Variants in CERS3 observed in about 807,000 individuals in gnomAD.
CERS3 encodes the protein ceramide synthase 3.
A neutral mutation model predicts 50.3 loss-of-function variants in CERS3; 33 were observed. That is an observed-to-expected ratio of 0.66 (90% confidence interval 0.50 to 0.88). CERS3 has a LOEUF of 0.88. Among genes scored for constraint, CERS3 ranks in the 40% least tolerant of loss-of-function variants. The probability of loss-of-function intolerance (pLI) is 0.00; values close to 1 mark genes in which losing one functional copy is unlikely to be tolerated. For synonymous variants in CERS3, 176 were observed against 155.2 expected, an observed-to-expected ratio of 1.13 and a Z score of -0.99; for missense variants, 470 against 460.3, an observed-to-expected ratio of 1.02 and a Z score of -0.19.
intron 10 of CERS3, among the ~76,000 whole-genome samples, chr15:100,458,287 T>C (rs1284661275): frequency 6.6e-6 from 1 of 152,190 alleles, no homozygotes; most frequent in African/African-American, 2.4e-5. Flanking sequence ...TTCAAGTTCT[T>C]TGTTTGAAAA....
At chr15:100,505,163 G>A (rs1316264323) in intron 2 of CERS3, among the ~76,000 whole-genome samples, 1 of 152,154 alleles carries the variant, frequency 6.6e-6, no homozygotes, top group Non-Finnish European at 1.5e-5. Context: ...TAAGGACTCA[G>A]GGAACACATA....
rs147643594 is a variant in CERS3, at chr15:100,441,160, C to T, written c.999+14733G>A. Reference sequence around the variant, plus strand: ...ACACCCTGACCTCTTATCTCTGTGCCTCAATCTCTTATTTCTGCACCCCGA... The same window carrying T: ...ACACCCTGACCTCTTATCTCTGTGCTTCAATCTCTTATTTCTGCACCCCGA... On this transcript the variant is annotated intron_variant, in intron 11 of 11. Transcript: ENST00000679737. Among the ~76,000 whole-genome samples, 434 of 152,018 alleles carry T rather than the reference C, an allele frequency of 2.9e-3. 9 individuals carry two copies. The East Asian group carries it at 0.059, about 21-fold the overall frequency.
intron 3 of CERS3, among the ~76,000 whole-genome samples, chr15:100,493,705 CTCTTT>C (rs1487992440): frequency 6.6e-6 from 1 of 152,064 alleles, no homozygotes; most frequent in Admixed American, 6.6e-5. Context: ...TTTCTTCATT[CTCTTT>C]TATTTTGCTG....
chr15:100,432,477 T>A (rs2033184119), intron 11 of CERS3, among the ~76,000 whole-genome samples: 1 of 152,226 alleles, frequency 6.6e-6, no homozygotes, highest in Non-Finnish European at 1.5e-5. Context: ...CTTAATCAAT[T>A]TCAAGCTCAG....
intron 3 of CERS3, among the ~76,000 whole-genome samples, chr15:100,499,577 C>A (rs557510011): frequency 5.3e-5 from 8 of 152,222 alleles, no homozygotes; most frequent in Admixed American, 3.3e-4. Context: ...CAATAATGAA[C>A]CAGCCAAATC....
intron 9 of CERS3, among the ~76,000 whole-genome samples, chr15:100,470,818 G>A (rs373332507): frequency 6.6e-6 from 1 of 152,120 alleles, no homozygotes; most frequent in Non-Finnish European, 1.5e-5. Context: ...GGTCACTTAC[G>A]AGTGAGAGTG....
intron 11 of CERS3, among the ~76,000 whole-genome samples, chr15:100,433,350 C>T (rs2033230796): frequency 6.6e-6 from 1 of 152,046 alleles, no homozygotes; most frequent in Non-Finnish European, 1.5e-5. Flanking sequence ...CGCCGCCCCA[C>T]CATTCTCCCC....
At chr15:100,443,174 C>T (rs1315551991) in intron 11 of CERS3, among the ~76,000 whole-genome samples, 2 of 150,484 alleles carry the variant, frequency 1.3e-5, no homozygotes, top group African/African-American at 2.4e-5. Flanking sequence ...ATCCCCCTAC[C>T]TTAACCCACA....
At chr15:100,510,234 A>G (rs1030076082) in intron 2 of CERS3, among the ~76,000 whole-genome samples, 1 of 152,230 alleles carries the variant, frequency 6.6e-6, no homozygotes, top group Non-Finnish European at 1.5e-5. Context: ...AAGTTAGTGC[A>G]TTAACAAAAC....
chr15:100,418,998 C>T (rs953145032), intron 11 of CERS3, among the ~76,000 whole-genome samples: 13 of 150,900 alleles, frequency 8.6e-5, no homozygotes, highest in East Asian at 2.0e-4. Flanking sequence ...TAAAGACCAT[C>T]GAGACTAGGA....
At chr15:100,532,536 C>A (rs544686151), upstream of CERS3, among the ~76,000 whole-genome samples, 5 of 151,932 alleles carry the variant, frequency 3.3e-5, no homozygotes, top group Non-Finnish European at 7.4e-5. Flanking sequence ...GAGGCCAACA[C>A]AGGAGGATTG....
At chr15:100,465,464 A>G (rs1019840492) in intron 10 of CERS3, among the ~76,000 whole-genome samples, 2 of 136,644 alleles carry the variant, frequency 1.5e-5, no homozygotes, top group African/African-American at 5.2e-5. Flanking sequence ...AAGACCATTT[A>G]AACTAGAGCA....
chr15:100,537,619 T>C (rs946890719), intron 1 of CERS3, among the ~76,000 whole-genome samples: 1 of 152,176 alleles, frequency 6.6e-6, no homozygotes, highest in Non-Finnish European at 1.5e-5. Context: ...TCCTTCACTA[T>C]CACATGAACA....
chr15:100,503,128 T>C (rs1244106761), intron 2 of CERS3, among the ~76,000 whole-genome samples: 1 of 152,164 alleles, frequency 6.6e-6, no homozygotes, highest in East Asian at 1.9e-4. Context: ...TAATGTTTAA[T>C]CAGAAAAAGG....
At chr15:100,501,161 C>A (rs991480177) in intron 3 of CERS3, among the ~76,000 whole-genome samples, 3 of 152,176 alleles carry the variant, frequency 2.0e-5, no homozygotes, top group Non-Finnish European at 2.9e-5. Flanking sequence ...TTTCCTTGCA[C>A]TTTAGAACGA....
intron 11 of CERS3, chr15:100,425,964 C>G (rs2032787186): frequency 1.3e-5 from 2 of 152,188 alleles, no homozygotes; most frequent in Non-Finnish European, 2.9e-5. Flanking sequence ...GTAGCACCTC[C>G]CACTTCGCTC....
chr15:100,449,944 A>G (rs2034093109), intron 11 of CERS3, among the ~76,000 whole-genome samples: 1 of 152,194 alleles, frequency 6.6e-6, no homozygotes, highest in African/African-American at 2.4e-5. Context: ...ATTATATTAA[A>G]GAACCTCAGT....
At chr15:100,414,819 T>TTAAAA (rs1555519550) in intron 11 of CERS3, among the ~76,000 whole-genome samples, 4 of 141,208 alleles carry the variant, frequency 2.8e-5, no homozygotes, top group South Asian at 2.2e-4. Flanking sequence ...CCAAAATGAT[T>TTAAAA]AAAAAAAAAA....
chr15:100,402,735 G>A lies in CERS3; in HGVS notation c.1130C>T (p.Pro377Leu). ...NGLRAERHLI[P>L]NGQHGH ...CAGCTAATGGCCATGCTGGCCATTG[G>A]GAATGAGGTGCCTCTCAGCCCTGAG... Residue 377 changes from proline (P) to leucine (L), a missense_variant, in exon 12 of 12, where the codon CCC becomes CTC. Transcript: ENST00000679737. 1 of 1,614,122 alleles carries A rather than the reference G, an allele frequency of 6.2e-7. No individual in the cohort carries two copies.
Sources: allele counts gnomAD v4.1 joint callset (sites outside exome capture counted in the v4.1 genomes callset), GRCh38; gene constraint gnomAD v4.1.1; transcripts MANE v1.5; gene names NCBI Gene and HGNC (gene_info 2026-07-23, HGNC 2026-07-21).